PTPN9: variants seen among roughly 807,000 people sequenced by gnomAD.
The protein encoded by PTPN9 is protein tyrosine phosphatase non-receptor type 9.
Under a neutral mutation model 69.8 loss-of-function variants are expected in PTPN9, and 26 were observed. That is an observed-to-expected ratio of 0.37 (90% CI 0.27 to 0.52). PTPN9 has a LOEUF of 0.52. PTPN9 is among the 20% of genes least tolerant of loss of function. PTPN9 has a pLI of 0.91. For synonymous variants in PTPN9, 274 were observed against 272.5 expected, an observed-to-expected ratio of 1.01 and a Z score of -0.05; for missense variants, 549 against 740.3, an observed-to-expected ratio of 0.74 and a Z score of 3.00.
chr15:75,578,911 G>A lies in PTPN9; in HGVS notation c.-135C>T. 1 of 467,054 alleles carries A rather than the reference G, an allele frequency of 2.1e-6. No homozygotes were observed. Among genetic ancestry groups the A allele is most frequent in the Non-Finnish European group, 3.2e-6 (1 of 313,458 alleles). 28.9% of individuals were successfully genotyped at this position (467,054 alleles called of 1,614,324 possible). ...GCGCATAGTGTGGCCGGCAGGGCCC[G>A]GCGCCTGCAGCGGCCGCAAACGCCG... On this transcript the variant is annotated 5_prime_UTR_variant, in exon 1 of 13. Transcript: ENST00000618819.
chr15:75,571,272 AAAAAACAATGATGAATATCATAAT>A (rs2075147110), intron 1 of PTPN9, among the ~76,000 whole-genome samples: 1 of 152,086 alleles, frequency 6.6e-6, no homozygotes, highest in African/African-American at 2.4e-5. Flanking sequence ...AGAAAAAAAC[AAAAAACAATGATGAATATCATAAT>A]AATGGCTAAC....
chr15:75,572,839 ACT>A (rs2075155128), intron 1 of PTPN9, among the ~76,000 whole-genome samples: 1 of 152,102 alleles, frequency 6.6e-6, no homozygotes, highest in African/African-American at 2.4e-5. Flanking sequence ...AGAGTTGACA[ACT>A]CTGTTTTAAG....
intron 3 of PTPN9, 70 bp downstream of exon 3, chr15:75,524,139 A>AAAAG: frequency 1.3e-6 from 1 of 770,142 alleles, no homozygotes; most frequent in East Asian, 2.8e-5. Flanking sequence ...AAAAAAAACA[A>AAAAG]AGTCCAAACA....
At chr15:75,558,530 CCCACGGTCTCCCGATCCCTCTCTTG>C (rs1409422978) in intron 1 of PTPN9, among the ~76,000 whole-genome samples, 18 of 152,066 alleles carry the variant, frequency 1.2e-4, no homozygotes, top group South Asian at 4.2e-4. Context: ...TCCCCCTCTC[CCCACGGTCTCCCGATCCCTCTCTTG>C]CCACGGTCTC....
intron 2 of PTPN9, among the ~76,000 whole-genome samples, chr15:75,526,353 T>C (rs1429635516): frequency 6.6e-6 from 1 of 152,110 alleles, no homozygotes; most frequent in African/African-American, 2.4e-5. Context: ...AAAATAAGTA[T>C]CTGTTGAGTA....
In PTPN9 at chr15:75,505,666, T is replaced by A; in HGVS notation, c.968+9A>T. ...TAACCAGCTGCTGGCCCAAACTTTT[T>A]CTACTTACATGGAACAGTGGAAAGT... On this transcript the variant is annotated intron_variant, in intron 7 of 12. Transcript: ENST00000618819. The A allele has an allele frequency of 6.2e-7, 1 of 1,604,018 alleles. No homozygotes were observed. The highest frequency in any genetic ancestry group is 8.5e-7 in the Non-Finnish European group (1 of 1,173,364).
chr15:75,521,456 GA>G (rs924904824), intron 4 of PTPN9, among the ~76,000 whole-genome samples: 3 of 142,078 alleles, frequency 2.1e-5, no homozygotes, highest in African/African-American at 7.8e-5. Context: ...CGTCTCAAAG[GA>G]AAAAAAAAAT....
intron 7 of PTPN9, among the ~76,000 whole-genome samples, chr15:75,504,064 T>C (rs1228646991): frequency 9.5e-6 from 1 of 105,468 alleles, no homozygotes; most frequent in Non-Finnish European, 1.9e-5. Flanking sequence ...AGCCGACCCG[T>C]CCGGGAGGGA....
intron 1 of PTPN9, among the ~76,000 whole-genome samples, chr15:75,554,005 C>CTTTTTTTTTTTTT (rs72050060): frequency 8.0e-6 from 1 of 125,378 alleles, no homozygotes; most frequent in African/African-American, 3.0e-5. Context: ...TACTTTCTTT[C>CTTTTTTTTTTTTT]TTTTTTTTTT....
At chr15:75,540,922 A>G (rs992212477) in intron 1 of PTPN9, among the ~76,000 whole-genome samples, 85 of 151,742 alleles carry the variant, frequency 5.6e-4, no homozygotes, top group Non-Finnish European at 2.1e-4. Flanking sequence ...TAAAAAAAAA[A>G]TTAAAAATTA....
chr15:75,463,666 T>C lies in PTPN9; in HGVS notation c.*5103A>G, dbSNP rs955995676. On this transcript the variant is annotated 3_prime_UTR_variant, in exon 13 of 13. Transcript: ENST00000618819. Reference sequence around the variant, plus strand: ...GTAACAGGTTTCAAGGTGCTAGATTTTTTTTCCCCCAAGAAAACATCTCCA... The same window carrying C: ...GTAACAGGTTTCAAGGTGCTAGATTCTTTTTCCCCCAAGAAAACATCTCCA... 2.0e-5 allele frequency: 3 copies of C among 152,198 alleles called. No homozygotes were observed. Among genetic ancestry groups the C allele is most frequent in the African/African-American group, 7.2e-5 (3 of 41,446 alleles). The allele number at this position is 152,198 out of a possible 1,614,324, so 9.4% of individuals were successfully genotyped here. A position where few individuals can be genotyped will look rare whatever the true frequency, so the allele number is the denominator to read the frequency against.
intron 7 of PTPN9, among the ~76,000 whole-genome samples, chr15:75,500,134 T>G (rs1294097877): frequency 6.6e-6 from 1 of 151,886 alleles, no homozygotes. Context: ...GCCAACACAG[T>G]GAAACCCCAT....
At chr15:75,536,030 T>C (rs555969577) in intron 1 of PTPN9, among the ~76,000 whole-genome samples, 1 of 152,366 alleles carries the variant, frequency 6.6e-6, no homozygotes, top group South Asian at 2.1e-4. Context: ...GATAATGCTT[T>C]CTTAAATAGG....
chr15:75,559,088 G>A (rs1000639635), intron 1 of PTPN9, among the ~76,000 whole-genome samples: 3 of 150,954 alleles, frequency 2.0e-5, no homozygotes, highest in Non-Finnish European at 4.4e-5. Flanking sequence ...AGTGAGGAGC[G>A]TCTCTGCCCA....
chr15:75,464,825 T>A lies in PTPN9; in HGVS notation c.*3944A>T, dbSNP rs1311608799. ...TCTCCCAAGAACAAGTCCTACTCTGTCATTTACCTGCATACTGTCACATGA... is the reference window on the plus strand; with the variant it reads ...TCTCCCAAGAACAAGTCCTACTCTGACATTTACCTGCATACTGTCACATGA... On this transcript the variant is annotated 3_prime_UTR_variant, in exon 13 of 13. Transcript: ENST00000618819. 1 of 152,172 alleles carries A rather than the reference T, an allele frequency of 6.6e-6. No homozygotes were observed. The highest frequency in any genetic ancestry group is 2.4e-5 in the African/African-American group (1 of 41,450). The allele number at this position is 152,172 out of a possible 1,614,324, so 9.4% of individuals were successfully genotyped here.
chr15:75,476,608 C>A (rs1555452931), intron 9 of PTPN9, among the ~76,000 whole-genome samples: 1 of 152,160 alleles, frequency 6.6e-6, no homozygotes, highest in Non-Finnish European at 1.5e-5. Flanking sequence ...AGCCACCGTG[C>A]CCGGCCTGGT....
chr15:75,570,440 C>T (rs2141345383), intron 1 of PTPN9: 1 of 152,252 alleles, frequency 6.6e-6, no homozygotes, highest in East Asian at 1.9e-4. Context: ...CACGCTAAAG[C>T]AGTTAAATTT....
At chr15:75,481,163 AC>A (rs1187544037) in intron 8 of PTPN9, among the ~76,000 whole-genome samples, 5 of 63,652 alleles carry the variant, frequency 7.9e-5, no homozygotes, top group African/African-American at 3.4e-4. Context: ...CCCGGCCGAG[AC>A]CCCCTCTGGG....
intron 8 of PTPN9, among the ~76,000 whole-genome samples, chr15:75,482,336 C>A (rs1412898378): frequency 6.6e-6 from 1 of 152,148 alleles, no homozygotes; most frequent in African/African-American, 2.4e-5. Flanking sequence ...GAGGCCGAGG[C>A]GGGCGGATGA....
Sources: allele counts gnomAD v4.1 joint callset (sites outside exome capture counted in the v4.1 genomes callset), GRCh38; gene constraint gnomAD v4.1.1; transcripts MANE v1.5; gene names NCBI Gene and HGNC (gene_info 2026-07-23, HGNC 2026-07-21).